Variants in KMT2E observed in about 807,000 individuals in gnomAD.
The protein encoded by KMT2E is histone reader KMT2E.
A neutral mutation model predicts 184.6 loss-of-function variants in KMT2E; 30 were observed. That is an observed-to-expected ratio of 0.16 (90% CI 0.12 to 0.22). KMT2E has a LOEUF of 0.22. Among genes scored for constraint, KMT2E ranks in the 10% least tolerant of loss-of-function variants. KMT2E has a pLI of 1.00. For missense variants in KMT2E, 2,023 were observed against 2,237.4 expected (o/e 0.90, Z 1.93); for synonymous variants, 815 against 776.5 (o/e 1.05, Z -0.82).
intron 12 of KMT2E, among the ~76,000 whole-genome samples, chr7:105,079,178 C>T (rs1296315505): frequency 2.0e-5 from 3 of 150,962 alleles, no homozygotes; most frequent in Non-Finnish European, 4.4e-5. Context: ...TCTTGTTGCC[C>T]AGGCTGGAAT....
In KMT2E at chr7:105,063,322, T is replaced by C. The variant is rs377153362; in HGVS notation, c.187-29T>C. On this transcript the variant is annotated intron_variant, in intron 4 of 26. Transcript: ENST00000311117. ...ATATCATTGTTGAAATTAAATAATA[T>C]TGTGCTATATTTGTGTTTAATTATT... 6.4e-6 allele frequency: 9 copies of C among 1,409,720 alleles called. No homozygotes were observed. The African/African-American group carries it at 1.2e-4, about 18-fold the overall frequency. The allele number at this position is 1,409,720 out of a possible 1,614,324, so 87.3% of individuals were successfully genotyped here.
At chr7:105,047,679 T>A (rs1796164040) in intron 3 of KMT2E, among the ~76,000 whole-genome samples, 1 of 152,242 alleles carries the variant, frequency 6.6e-6, no homozygotes, top group Admixed American at 6.5e-5. Flanking sequence ...GTTAACTAAC[T>A]TCCCTGAAGT....
chr7:105,020,704 A>G (rs995495399), intron 1 of KMT2E, among the ~76,000 whole-genome samples: 5 of 152,228 alleles, frequency 3.3e-5, no homozygotes, highest in Non-Finnish European at 7.3e-5. Context: ...AATAATTTCC[A>G]TTTAAAGTCT....
chr7:105,052,673 C>T (rs891039217), intron 3 of KMT2E, among the ~76,000 whole-genome samples: 2 of 152,138 alleles, frequency 1.3e-5, no homozygotes, highest in Non-Finnish European at 2.9e-5. Flanking sequence ...ATTCTCCTGC[C>T]TCAGCCTCCC....
At chr7:105,068,090 T>TC (rs1797113377) in intron 6 of KMT2E, among the ~76,000 whole-genome samples, 1 of 152,130 alleles carries the variant, frequency 6.6e-6, no homozygotes, top group South Asian at 2.1e-4. Flanking sequence ...AACCTACTCC[T>TC]CCCTCCCTAC....
At chr7:105,052,017 A>G (rs531731452) in intron 3 of KMT2E, among the ~76,000 whole-genome samples, 2 of 152,060 alleles carry the variant, frequency 1.3e-5, no homozygotes, top group Non-Finnish European at 2.9e-5. Flanking sequence ...TCTATCATTT[A>G]TTTTCTGTAG....
chr7:105,034,224 A>AAAATTGTGGTACAAT (rs1795541882), intron 1 of KMT2E, among the ~76,000 whole-genome samples: 1 of 152,010 alleles, frequency 6.6e-6, no homozygotes, highest in African/African-American at 2.4e-5. Flanking sequence ...TGTCCTGACT[A>AAAATTGTGGTACAAT]GTGTGTGTGT....
intron 3 of KMT2E, among the ~76,000 whole-genome samples, chr7:105,053,281 C>T (rs908345316): frequency 6.6e-6 from 1 of 151,928 alleles, no homozygotes; most frequent in African/African-American, 2.4e-5. Context: ...TGATTGTTTA[C>T]TGACCATGAT....
chr7:105,029,731 T>C (rs1795324372), intron 1 of KMT2E, among the ~76,000 whole-genome samples: 1 of 152,186 alleles, frequency 6.6e-6, no homozygotes, highest in South Asian at 2.1e-4. Context: ...AGTTTCACTT[T>C]GAAGGCTTGA....
chr7:105,101,252 T>G (rs1420645475), intron 15 of KMT2E, among the ~76,000 whole-genome samples, 173 bp from the exon 16 acceptor site: 1 of 152,196 alleles, frequency 6.6e-6, no homozygotes, highest in Admixed American at 6.5e-5. Flanking sequence ...ATGGGAATTC[T>G]GAAAGGTCTT....
chr7:105,043,510 A>G (rs1242630876), intron 3 of KMT2E, among the ~76,000 whole-genome samples: 2 of 152,164 alleles, frequency 1.3e-5, no homozygotes, highest in Non-Finnish European at 2.9e-5. Flanking sequence ...TGCTGGGATT[A>G]CAGGCGTGAG....
In KMT2E at chr7:105,078,941, G is replaced by A. The variant is rs1190942088; in HGVS notation, c.1226G>A (p.Arg409Gln). Residue 409 changes from arginine (R) to glutamine (Q), a missense_variant, in exon 12 of 27, where the codon CGG (arginine) becomes CAG (glutamine). Physicochemically the swap from Arg to Gln is conservative, Grantham distance 43 (BLOSUM62 1). Around this residue, in one of 8 missense-constraint regions of KMT2E, gnomAD observed 68 missense variants for 133.1 expected, o/e 0.51. Coordinates refer to ENST00000311117, the MANE Select transcript of KMT2E (RefSeq NM_182931.3). Reference protein sequence around the residue: ...TFGNEARFIRRSCTPNAEVRH... With the variant: ...TFGNEARFIRQSCTPNAEVRH... ...GGGAATGAGGCTCGATTCATCAGGCGGTCTTGTACACCCAATGCAGAGGTA... is the reference window on the plus strand; with the variant it reads ...GGGAATGAGGCTCGATTCATCAGGCAGTCTTGTACACCCAATGCAGAGGTA... The A allele has an allele frequency of 6.2e-7, 1 of 1,604,106 alleles. No individual in the cohort carries two copies. The highest frequency in any genetic ancestry group is 8.5e-7 in the Non-Finnish European group (1 of 1,171,310).
intron 23 of KMT2E, 106 bp from the exon 24 acceptor site, chr7:105,110,174 C>T: frequency 1.1e-6 from 1 of 881,522 alleles, no homozygotes; most frequent in Admixed American, 2.0e-5. Context: ...AGTATTTTCC[C>T]AGTAGATCAA....
In KMT2E at chr7:105,107,370, C is replaced by T. The variant is rs776338666; in HGVS notation, c.2913C>T (p.Asp971=). ...KRRTYSQEGY[D]RSSTMLTLGP... ...TTTTAATTTGTAAACAGGGATATGA[C>T]AGATCTTCAACCATGTTAACATTGG... The change falls in exon 22 of 27, where the codon GAC becomes GAT. Residue 971 remains aspartate, a synonymous_variant. Coordinates refer to ENST00000311117, the MANE Select transcript of KMT2E (RefSeq NM_182931.3). The T allele has an allele frequency of 1.3e-6, 2 of 1,580,904 alleles. No homozygotes were observed. Among genetic ancestry groups the T allele is most frequent in the South Asian group, 2.3e-5 (2 of 85,512 alleles).
chr7:105,104,321 T>A (rs1053780716), intron 17 of KMT2E: 3 of 152,152 alleles, frequency 2.0e-5, no homozygotes, highest in African/African-American at 7.2e-5. Flanking sequence ...ATGAAAAATT[T>A]CAAAGCACAA....
chr7:105,067,539 A>T (rs994051137), intron 6 of KMT2E, among the ~76,000 whole-genome samples: 1 of 152,136 alleles, frequency 6.6e-6, no homozygotes, highest in Non-Finnish European at 1.5e-5. Flanking sequence ...CTATACTGCC[A>T]TGTGTTTCTT....
At position 105,112,961 on chromosome 7, in the gene KMT2E, A is replaced by G; in HGVS notation, c.5205A>G (p.Ser1735=). The part of the protein sequence containing the change: ...SVLASGHHTT[S]AQALHHPPHQ... Reference sequence around the variant, plus strand: ...TGGCTTCTGGGCATCATACCACATCAGCTCAAGCCTTACACCACCCACCTC... The same window carrying G: ...TGGCTTCTGGGCATCATACCACATCGGCTCAAGCCTTACACCACCCACCTC... Residue 1735 remains serine, a synonymous_variant, in exon 27 of 27, where the codon TCA becomes TCG. Coordinates refer to ENST00000311117, the MANE Select transcript of KMT2E (RefSeq NM_182931.3). 1 of 1,613,670 alleles carries G rather than the reference A, an allele frequency of 6.2e-7. No homozygotes were observed. Among genetic ancestry groups the G allele is most frequent in the South Asian group, 1.1e-5 (1 of 91,030 alleles).
intron 1 of KMT2E, among the ~76,000 whole-genome samples, chr7:105,036,210 T>C (rs1795651850): frequency 6.6e-6 from 1 of 150,672 alleles, no homozygotes; most frequent in Non-Finnish European, 1.5e-5. Context: ...GCAGAGTCTG[T>C]CACCCAGGCT....
At chr7:105,076,778 T>G (rs1584765118) in intron 9 of KMT2E, among the ~76,000 whole-genome samples, 185 bp from the exon 10 acceptor site, 3 of 152,284 alleles carry the variant, frequency 2.0e-5, no homozygotes, top group Middle Eastern at 3.4e-3. Context: ...CTTTTGTCCC[T>G]GTGGTATTTA....
Sources: gnomAD v4.1 joint callset for allele counts (sites outside exome capture counted in the v4.1 genomes callset) on GRCh38, gnomAD v4.1.1 for gene constraint, gnomAD v4.1.1 regional missense constraint, MANE v1.5 for transcripts, NCBI Gene and HGNC (gene_info 2026-07-23, HGNC 2026-07-21) for gene names.